The following WWOX variants were observed in gnomAD, a reference collection of about 807,000 sequenced individuals.
The protein encoded by WWOX is WW domain containing oxidoreductase, also known as WW domain-containing oxidoreductase.
A neutral mutation model predicts 46.2 loss-of-function variants in WWOX; 69 were observed. The observed-to-expected ratio is 1.49, with a 90% CI of 1.23 to 1.82. WWOX has a LOEUF of 1.82. WWOX is among the 40% of genes most tolerant of loss of function. WWOX has a pLI of 0.00. For missense variants in WWOX, 919 were observed against 542.6 expected, an observed-to-expected ratio of 1.69 and a Z score of -6.89; for synonymous variants, 359 against 202.6, an observed-to-expected ratio of 1.77 and a Z score of -6.56.
chr16:78,694,789 T>C (rs1223374641), intron 8 of WWOX, among the ~76,000 whole-genome samples: 1 of 152,160 alleles, frequency 6.6e-6, no homozygotes, highest in Non-Finnish European at 1.5e-5. Context: ...TTACTCTTCC[T>C]GCTCTTGATT....
chr16:78,105,841 G>A (rs1452311737), intron 1 of WWOX, among the ~76,000 whole-genome samples: 3 of 151,834 alleles, frequency 2.0e-5, no homozygotes, highest in South Asian at 2.1e-4. Context: ...TTGCTTTTTC[G>A]CCCAGGCTGG....
At chr16:78,511,683 G>A (rs956266649) in intron 8 of WWOX, among the ~76,000 whole-genome samples, 2 of 152,116 alleles carry the variant, frequency 1.3e-5, no homozygotes, top group Non-Finnish European at 2.9e-5. Flanking sequence ...AGTACCCCCC[G>A]CCTAGGGTGC....
intron 6 of WWOX, among the ~76,000 whole-genome samples, chr16:78,409,266 C>G (rs1040363106): frequency 9.9e-5 from 15 of 152,116 alleles, no homozygotes; most frequent in African/African-American, 3.4e-4. Flanking sequence ...GTGAATTTCA[C>G]TATGAATTAT....
intron 8 of WWOX, among the ~76,000 whole-genome samples, chr16:78,941,425 C>G (rs1277222266): frequency 2.0e-5 from 3 of 151,788 alleles, no homozygotes; most frequent in African/African-American, 7.3e-5. Flanking sequence ...GCCGTTGCTC[C>G]TCGTAAGCGC....
intron 8 of WWOX, among the ~76,000 whole-genome samples, chr16:79,133,490 C>T (rs2049922720): frequency 6.6e-6 from 1 of 152,204 alleles, no homozygotes; most frequent in African/African-American, 2.4e-5. Context: ...AAGTACAGAA[C>T]AGGTGGTTCT....
At chr16:78,807,456 G>A (rs777907606) in intron 8 of WWOX, among the ~76,000 whole-genome samples, 21 of 152,196 alleles carry the variant, frequency 1.4e-4, no homozygotes, top group Non-Finnish European at 2.6e-4. Flanking sequence ...TGAATCATGA[G>A]GCCATGTAAA....
At position 79,023,715 on chromosome 16, in the gene WWOX, A is replaced by C. The variant is rs140463883; in HGVS notation, c.1057-187893A>C. Among the ~76,000 whole-genome samples, 503 of 151,740 alleles carry C rather than the reference A, an allele frequency of 3.3e-3. 2 individuals carry two copies. The highest frequency in any genetic ancestry group is 0.012 in the African/African-American group (480 of 41,366). On this transcript the variant is annotated intron_variant, in intron 8 of 8. Coordinates refer to ENST00000566780, the MANE Select transcript of WWOX (RefSeq NM_016373.4). ...CAGGTAGATCACCTGAGGTCTCAGA[A>C]GTTCGAGACCAGCCTGGCTGGTGGT...
chr16:78,800,191 A>C (rs950938233), intron 8 of WWOX, among the ~76,000 whole-genome samples: 20 of 152,176 alleles, frequency 1.3e-4, no homozygotes, highest in African/African-American at 3.9e-4. Flanking sequence ...AGAAGGAGAA[A>C]AAATATGGCG....
At chr16:78,599,315 A>G (rs2045567051) in intron 8 of WWOX, among the ~76,000 whole-genome samples, 1 of 152,110 alleles carries the variant, frequency 6.6e-6, no homozygotes, top group Non-Finnish European at 1.5e-5. Context: ...TTAATTAATC[A>G]ATCCACAGAC....
chr16:78,801,212 C>A (rs12447141), intron 8 of WWOX, among the ~76,000 whole-genome samples: 1 of 151,640 alleles, frequency 6.6e-6, no homozygotes. Flanking sequence ...CAAACAAACA[C>A]CACTCACCAT....
At chr16:79,050,983 C>A (rs180936968) in intron 8 of WWOX, among the ~76,000 whole-genome samples, 1 of 152,204 alleles carries the variant, frequency 6.6e-6, no homozygotes, top group Non-Finnish European at 1.5e-5. Flanking sequence ...CTTGTGAACA[C>A]AAGACACTGA....
chr16:79,171,818 C>T (rs770472838), intron 8 of WWOX, among the ~76,000 whole-genome samples: 28 of 152,072 alleles, frequency 1.8e-4, no homozygotes, highest in Non-Finnish European at 3.5e-4. Context: ...CAGAATCAAT[C>T]TTCGGAATCC....
At chr16:78,815,544 T>G (rs75577658) in intron 8 of WWOX, among the ~76,000 whole-genome samples, 6,738 of 152,274 alleles carry the variant, frequency 0.044, 194 homozygotes, top group Non-Finnish European at 0.064. Context: ...ATTTGAAATC[T>G]CAGACCATGA....
At chr16:78,277,763 T>C (rs4243148) in intron 5 of WWOX, among the ~76,000 whole-genome samples, 109,359 of 151,634 alleles carry the variant, frequency 0.72, 41,095 homozygotes, top group East Asian at 1. Flanking sequence ...GTTTAACAGA[T>C]TCCCCCCGGG....
intron 8 of WWOX, among the ~76,000 whole-genome samples, chr16:78,925,137 G>C (rs966347676): frequency 1.3e-5 from 2 of 152,198 alleles, no homozygotes; most frequent in African/African-American, 2.4e-5. Flanking sequence ...CGAGGCTGCA[G>C]TGAGCAATGA....
Position 78,108,406 on chromosome 16 carries a change from T to A in WWOX, c.108-17T>A, listed in dbSNP as rs1489516634. 3 of 1,611,820 alleles carry A rather than the reference T, an allele frequency of 1.9e-6. No individual in the cohort carries two copies. Among genetic ancestry groups the A allele is most frequent in the Non-Finnish European group, 2.5e-6 (3 of 1,178,856 alleles). ...TTAATTTTTACTTATTACTGTGGAT[T>A]TTTTGTTTTTTAACAGTCACACCGA... On this transcript the variant is annotated splice_polypyrimidine_tract_variant and intron_variant, in intron 1 of 8. Coordinates refer to ENST00000566780, the MANE Select transcript of WWOX (RefSeq NM_016373.4).
chr16:78,189,370 T>C (rs1377124562), intron 5 of WWOX, among the ~76,000 whole-genome samples: 1 of 152,228 alleles, frequency 6.6e-6, no homozygotes, highest in Non-Finnish European at 1.5e-5. Flanking sequence ...GGTGCTCTGA[T>C]GATGTAACAT....
chr16:78,246,802 A>C (rs35074938), intron 5 of WWOX, among the ~76,000 whole-genome samples: 11,683 of 152,098 alleles, frequency 0.077, 508 homozygotes, highest in South Asian at 0.12. Context: ...GTGGGGAGTG[A>C]TGGGTGCTTG....
intron 5 of WWOX, among the ~76,000 whole-genome samples, chr16:78,323,199 C>T (rs762657287): frequency 3.1e-4 from 47 of 152,208 alleles, no homozygotes; most frequent in Non-Finnish European, 6.2e-4. Context: ...CTCTGCCTCC[C>T]GGGTTCACGC....
Sources: allele counts gnomAD v4.1 joint callset (sites outside exome capture counted in the v4.1 genomes callset), GRCh38; gene constraint gnomAD v4.1.1; transcripts MANE v1.5; gene names NCBI Gene and HGNC (gene_info 2026-07-23, HGNC 2026-07-21).